The following OR51D1 variants were observed in gnomAD, a reference collection of about 807,000 sequenced individuals.
OR51D1 encodes olfactory receptor 51D1.
For synonymous variants in OR51D1, 187 were observed against 161.1 expected (o/e 1.16, Z -1.22); for missense variants, 452 against 396.2 (o/e 1.14, Z -1.20).
rs1313417435 is a variant in OR51D1, at chr11:4,640,405, C to T, written c.615C>T (p.Thr205=). 8 of 1,614,110 alleles carry T rather than the reference C, an allele frequency of 5.0e-6. No homozygotes were observed. The highest frequency in any genetic ancestry group is 6.8e-6 in the Non-Finnish European group (8 of 1,180,050). ...QDIMKLSCTD[T]RVNVVYGLFI... is the part of the protein sequence containing the mutation. ...TTATGAAGCTGTCCTGTACTGACAC[C>T]AGGGTCAATGTGGTTTATGGACTCT... The change falls in exon 2 of 2, where the codon ACC becomes ACT. Residue 205 remains threonine, a synonymous_variant. Transcript: ENST00000641817.
intron 1 of OR51D1, among the ~76,000 whole-genome samples, chr11:4,638,810 G>C (rs1846927181): frequency 6.6e-6 from 1 of 152,096 alleles, no homozygotes; most frequent in African/African-American, 2.4e-5. Context: ...TTTTGTTTTT[G>C]AGTTGGTGTC....
chr11:4,638,317 G>A (rs1846921927), intron 1 of OR51D1, among the ~76,000 whole-genome samples: 1 of 152,156 alleles, frequency 6.6e-6, no homozygotes, highest in Admixed American at 6.5e-5. Flanking sequence ...GGCAAGATGA[G>A]TGGGAGGCCC....
At position 4,641,051 on chromosome 11, in the gene OR51D1, T is replaced by A; in HGVS notation, c.*286T>A. On this transcript the variant is annotated 3_prime_UTR_variant, in exon 2 of 2. Transcript: ENST00000641817. ...TTTTGACATGGGGAGGCTGTAAAGA[T>A]CACACCTCATGGTTCATTCCAGTTT... is the stretch of plus-strand genomic sequence containing the variant. 2.8e-6 allele frequency: 1 copy of A among 351,024 alleles called. No homozygotes were observed. 21.7% of individuals were successfully genotyped at this position (351,024 alleles called of 1,614,324 possible).
intron 1 of OR51D1, among the ~76,000 whole-genome samples, chr11:4,638,074 T>G (rs575915275): frequency 2.0e-5 from 3 of 152,026 alleles, no homozygotes; most frequent in African/African-American, 7.2e-5. Context: ...GGCAGGGAGG[T>G]AAGTTGGAAG....
At chr11:4,639,386 G>A (rs117925506) in intron 1 of OR51D1, among the ~76,000 whole-genome samples, 1,691 of 152,258 alleles carry the variant, frequency 0.011, 17 homozygotes, top group South Asian at 0.051. Context: ...CAGAAGAGCT[G>A]GTCAATGTGG....
At position 4,641,942 on chromosome 11, in the gene OR51D1, T is replaced by C. The variant is rs1036123375; in HGVS notation, c.*1177T>C. The C allele has an allele frequency of 7.9e-5, 12 of 152,610 alleles. No individual in the cohort carries two copies. Among genetic ancestry groups the C allele is most frequent in the African/African-American group, 2.9e-4 (12 of 41,438 alleles). 9.5% of individuals were successfully genotyped at this position (152,610 alleles called of 1,614,324 possible). A position where few individuals can be genotyped will look rare whatever the true frequency, so the allele number is the denominator to read the frequency against. On this transcript the variant is annotated 3_prime_UTR_variant, in exon 2 of 2. Transcript: ENST00000641817. ...ACTTTCTTTGTGTGTTGGGTGTGTA[T>C]GTGACACGAATGGGGACAGCATCTG...
intron 1 of OR51D1, 181 bp from the exon 2 acceptor site, chr11:4,639,596 A>T: frequency 1.6e-6 from 1 of 617,410 alleles, no homozygotes; most frequent in East Asian, 2.7e-5. Flanking sequence ...AAGGCTCAAG[A>T]TGTCCAGGAA....
At chr11:4,638,339 A>T (rs1846922182) in intron 1 of OR51D1, among the ~76,000 whole-genome samples, 1 of 152,266 alleles carries the variant, frequency 6.6e-6, no homozygotes, top group East Asian at 1.9e-4. Context: ...TAGGCTATCC[A>T]GGTAGAACTA....
chr11:4,641,016 A>G lies in OR51D1; in HGVS notation c.*251A>G. ...CTTCTCCTTCTCTCTCAGCTAGAAA[A>G]TACATCTAGTTTTGACATGGGGAGG... On this transcript the variant is annotated 3_prime_UTR_variant, in exon 2 of 2. Coordinates refer to ENST00000641817, the MANE Select transcript of OR51D1 (RefSeq NM_001004751.3). 1 of 426,004 alleles carries G rather than the reference A, an allele frequency of 2.3e-6. No homozygotes were observed. Among genetic ancestry groups the G allele is most frequent in the Non-Finnish European group, 4.2e-6 (1 of 236,314 alleles). The allele number at this position is 426,004 out of a possible 1,614,324, so 26.4% of individuals were successfully genotyped here.
rs1362310028 is a variant in OR51D1, at chr11:4,637,612, G to C, written c.-156G>C. 6.6e-6 allele frequency: 1 copy of C among 152,250 alleles called. No homozygotes were observed. Among genetic ancestry groups the C allele is most frequent in the Non-Finnish European group, 1.5e-5 (1 of 68,106 alleles). 9.4% of individuals were successfully genotyped at this position (152,250 alleles called of 1,614,324 possible). On this transcript the variant is annotated 5_prime_UTR_variant, in exon 1 of 2. Coordinates refer to ENST00000641817, the MANE Select transcript of OR51D1 (RefSeq NM_001004751.3). ...GGTCTTCTAGTGTACACCTTTTCCA[G>C]ATCACAGTAGCCCGGTTCCTGGACC...
chr11:4,640,679 C>G lies in OR51D1; in HGVS notation c.889C>G (p.Pro297Ala), dbSNP rs780522532. 1.2e-6 allele frequency: 2 copies of G among 1,614,014 alleles called. No individual in the cohort carries two copies. The highest frequency in any genetic ancestry group is 1.1e-5 in the South Asian group (1 of 91,062). Residue 297 changes from proline to alanine, a missense_variant, in exon 2 of 2, where the codon CCT (proline) becomes GCT (alanine). Transcript: ENST00000641817. The part of the protein sequence containing the change: ...VMANTYLLLP[P>A]VVNPLVYGAK... ...GGCTAATACCTACTTGCTGCTACCA[C>G]CTGTAGTCAACCCCCTTGTCTATGG...
Position 4,639,972 on chromosome 11 carries a change from T to C in OR51D1, c.182T>C (p.Ile61Thr). The change falls in exon 2 of 2, where the codon ATC becomes ACC. Residue 61 changes from isoleucine to threonine, a missense_variant. Transcript: ENST00000641817. ...CTGGGTAACCTGACCATTGTCCTCA[T>C]CATTCGTGTGGAGAGGCGACTGCAT... ...ATLGNLTIVL[I>T]IRVERRLHEP... 1 of 1,614,184 alleles carries C rather than the reference T, an allele frequency of 6.2e-7. No individual in the cohort carries two copies. Among genetic ancestry groups the C allele is most frequent in the Non-Finnish European group, 8.5e-7 (1 of 1,180,020 alleles).
In OR51D1 at chr11:4,642,606, C is replaced by A. The variant is rs1343720453; in HGVS notation, c.*1841C>A. On this transcript the variant is annotated 3_prime_UTR_variant, in exon 2 of 2. Transcript: ENST00000641817. ...TTGGTTGTAGGGAGTTTCTCCTAAT[C>A]CCTCTGGGAAAGCAAGGGTGGAGGG... The A allele has an allele frequency of 6.9e-6, 1 of 144,804 alleles. No homozygotes were observed. Among genetic ancestry groups the A allele is most frequent in the African/African-American group, 2.5e-5 (1 of 39,606 alleles). 9.0% of individuals were successfully genotyped at this position (144,804 alleles called of 1,614,324 possible).
Position 4,640,910 on chromosome 11 carries a change from A to G in OR51D1, c.*145A>G. On this transcript the variant is annotated 3_prime_UTR_variant, in exon 2 of 2. Coordinates refer to ENST00000641817, the MANE Select transcript of OR51D1 (RefSeq NM_001004751.3). ...TAGATCATGTATTCTGTCTCCAGGAATGTGTCAGTACTGAACTTATGACCC... is the reference window on the plus strand; with the variant it reads ...TAGATCATGTATTCTGTCTCCAGGAGTGTGTCAGTACTGAACTTATGACCC... 1.4e-6 allele frequency: 1 copy of G among 726,406 alleles called. No individual in the cohort carries two copies. Among genetic ancestry groups the G allele is most frequent in the Non-Finnish European group, 2.2e-6 (1 of 449,686 alleles). The allele number at this position is 726,406 out of a possible 1,614,324, so 45.0% of individuals were successfully genotyped here. A position where few individuals can be genotyped will look rare whatever the true frequency, so the allele number is the denominator to read the frequency against.
At position 4,639,828 on chromosome 11, in the gene OR51D1, CT is replaced by C; in HGVS notation, c.40del (p.Ser14GlnfsTer43). Reference protein sequence around the residue: ...KPQLLVPIIATSNGNLVHAAY... With the variant: ...KPQLLVPIIAXSNGNLVHAAY... ...CAGCTCTTGGTCCCTATCATAGCCA[CT>C]TCAAATGGAAATCTGGTCCACGCAG... On this transcript the variant is annotated frameshift_variant, in exon 2 of 2. Transcript: ENST00000641817. LOFTEE classifies it high-confidence loss of function. The C allele has an allele frequency of 6.2e-7, 1 of 1,614,166 alleles. No homozygotes were observed. The highest frequency in any genetic ancestry group is 8.5e-7 in the Non-Finnish European group (1 of 1,179,998).
Position 4,642,556 on chromosome 11 carries a change from CAAAAAAAAAAA to C in OR51D1, c.*1802_*1812del, listed in dbSNP as rs34699024. 3.9e-5 allele frequency: 3 copies of C among 76,222 alleles called. No homozygotes were observed. The highest frequency in any genetic ancestry group is 1.2e-3 in the South Asian group (2 of 1,712). 4.7% of individuals were successfully genotyped at this position (76,222 alleles called of 1,614,324 possible). On this transcript the variant is annotated 3_prime_UTR_variant, in exon 2 of 2. Coordinates refer to ENST00000641817, the MANE Select transcript of OR51D1 (RefSeq NM_001004751.3). ...CTGGTGACAGAGCAAGACTCTGTGT[CAAAAAAAAAAA>C]AAAAAAAAAAGCCTTGGTTGTAGGG...
chr11:4,639,765 C>T lies in OR51D1; in HGVS notation c.-14-12C>T, dbSNP rs1397333844. On this transcript the variant is annotated splice_polypyrimidine_tract_variant and intron_variant, in intron 1 of 1. Coordinates refer to ENST00000641817, the MANE Select transcript of OR51D1 (RefSeq NM_001004751.3). ...AAATGATGTTTCTACTTTTCCCTTT[C>T]TACTTTCCTAGACCCTGGATTTTGT... The T allele has an allele frequency of 1.3e-6, 2 of 1,594,222 alleles. No homozygotes were observed. The highest frequency in any genetic ancestry group is 1.7e-4 in the Middle Eastern group (1 of 5,946).
Position 4,640,518 on chromosome 11 carries a change from C to T in OR51D1, c.728C>T (p.Ser243Phe). ...LILWAVLELS[S>F]RRAALKAFNT... ...CTGTGGGCTGTTTTGGAGCTGTCCT[C>T]TCGGAGGGCAGCACTCAAGGCTTTC... Residue 243 changes from serine (S) to phenylalanine (F), a missense_variant, in exon 2 of 2, where the codon TCT becomes TTT. By Grantham distance (155) the Ser-to-Phe change is radical. Transcript: ENST00000641817. The T allele has an allele frequency of 6.2e-7, 1 of 1,613,912 alleles. No individual in the cohort carries two copies. The highest frequency in any genetic ancestry group is 8.5e-7 in the Non-Finnish European group (1 of 1,180,004).
chr11:4,640,723 C>T lies in OR51D1; in HGVS notation c.933C>T (p.Ile311=). ...PLVYGAKTKE[I]CSRVLCMFSQ... is the part of the protein sequence containing the mutation. ...TCTATGGAGCCAAGACCAAAGAGAT[C>T]TGTTCAAGGGTCCTCTGTATGTTCT... The change falls in exon 2 of 2, where the codon ATC becomes ATT. Residue 311 remains isoleucine (I), a synonymous_variant. Transcript: ENST00000641817. 3.1e-6 allele frequency: 5 copies of T among 1,613,898 alleles called. No individual in the cohort carries two copies. The highest frequency in any genetic ancestry group is 4.2e-6 in the Non-Finnish European group (5 of 1,179,916).
Sources: gnomAD v4.1 joint callset for allele counts (sites outside exome capture counted in the v4.1 genomes callset) on GRCh38, gnomAD v4.1.1 for gene constraint, MANE v1.5 for transcripts, NCBI Gene and HGNC (gene_info 2026-07-23, HGNC 2026-07-21) for gene names.